ERC2: variants seen among roughly 807,000 people sequenced by gnomAD.
The protein encoded by ERC2 is ERC protein 2.
Under a neutral mutation model 114.8 loss-of-function variants are expected in ERC2, and 42 were observed. That is an observed-to-expected ratio of 0.37 (90% CI 0.29 to 0.47). The LOEUF (loss-of-function observed/expected upper bound fraction) is 0.47, where lower values mean the gene tolerates loss of function less well. Among genes scored for constraint, ERC2 ranks in the 20% least tolerant of loss-of-function variants. The pLI, the probability that ERC2 is intolerant of heterozygous loss-of-function variation, is 0.99. For missense variants in ERC2, 939 were observed against 1,150.7 expected, an observed-to-expected ratio of 0.82 and a Z score of 2.66; for synonymous variants, 454 against 425.5, an observed-to-expected ratio of 1.07 and a Z score of -0.82.
chr3:56,311,143 T>C (rs1472221540), intron 2 of ERC2, among the ~76,000 whole-genome samples: 2 of 150,492 alleles, frequency 1.3e-5, no homozygotes, highest in Admixed American at 6.6e-5. Flanking sequence ...TCATAATAGA[T>C]GTTGATATTT....
intron 7 of ERC2, among the ~76,000 whole-genome samples, chr3:56,047,068 G>A (rs917879685): frequency 3.9e-5 from 6 of 152,038 alleles, no homozygotes; most frequent in Admixed American, 6.6e-5. Context: ...TTAAATTCAG[G>A]GTCCCTTAAA....
At chr3:55,861,957 G>A (rs2062046939) in intron 14 of ERC2, among the ~76,000 whole-genome samples, 1 of 152,228 alleles carries the variant, frequency 6.6e-6, no homozygotes, top group African/African-American at 2.4e-5. Flanking sequence ...CATAGGCCAT[G>A]CTCAGCCAGT....
At chr3:56,117,898 A>G (rs1041114539) in intron 6 of ERC2, among the ~76,000 whole-genome samples, 8 of 152,252 alleles carry the variant, frequency 5.3e-5, no homozygotes, top group African/African-American at 1.9e-4. Flanking sequence ...TTTCTAAGAC[A>G]CAGGGGTTTA....
intron 17 of ERC2, among the ~76,000 whole-genome samples, chr3:55,677,530 C>A (rs1369719229): frequency 6.6e-6 from 1 of 152,174 alleles, no homozygotes; most frequent in Non-Finnish European, 1.5e-5. Flanking sequence ...GTTGAATACT[C>A]ACTGTGCACC....
intron 7 of ERC2, among the ~76,000 whole-genome samples, chr3:56,055,630 C>A (rs1048062587): frequency 6.6e-6 from 1 of 152,160 alleles, no homozygotes; most frequent in East Asian, 1.9e-4. Flanking sequence ...GTATAACAGG[C>A]GAGACAGACA....
intron 3 of ERC2, among the ~76,000 whole-genome samples, chr3:56,256,747 T>C (rs1425329540): frequency 6.6e-6 from 1 of 152,182 alleles, no homozygotes; most frequent in African/African-American, 2.4e-5. Flanking sequence ...GTTTTCATGA[T>C]AGTGAATGAG....
At chr3:55,819,742 A>G (rs187459711) in intron 14 of ERC2, among the ~76,000 whole-genome samples, 24 of 152,268 alleles carry the variant, frequency 1.6e-4, no homozygotes, top group Middle Eastern at 3.4e-3. Context: ...GCCGCTTTGG[A>G]ATGCTGCACC....
chr3:56,002,768 C>T (rs566511573), intron 10 of ERC2, among the ~76,000 whole-genome samples: 42 of 152,158 alleles, frequency 2.8e-4, no homozygotes, highest in Non-Finnish European at 2.8e-4. Context: ...TTATCCCTTT[C>T]GGCCTAGATA....
intron 17 of ERC2, among the ~76,000 whole-genome samples, chr3:55,624,748 T>C (rs1228400749): frequency 6.6e-6 from 1 of 152,068 alleles, no homozygotes; most frequent in African/African-American, 2.4e-5. Context: ...GGTCTGCTCA[T>C]CCCAAAGTGG....
chr3:55,674,861 AAAG>A (rs1276120880), intron 17 of ERC2, among the ~76,000 whole-genome samples: 1 of 152,190 alleles, frequency 6.6e-6, no homozygotes, highest in East Asian at 1.9e-4. Flanking sequence ...CACAAACCTA[AAAG>A]AAGGGACCTG....
intron 2 of ERC2, among the ~76,000 whole-genome samples, chr3:56,362,637 T>C (rs771917758): frequency 5.3e-5 from 8 of 152,232 alleles, no homozygotes; most frequent in Non-Finnish European, 8.8e-5. Flanking sequence ...TTTATGGGTG[T>C]TTCCAGTGTG....
At chr3:56,377,789 A>G (rs2059598800) in intron 2 of ERC2, among the ~76,000 whole-genome samples, 1 of 152,120 alleles carries the variant, frequency 6.6e-6, no homozygotes, top group Admixed American at 6.5e-5. Context: ...AAGCTGTGGC[A>G]GGAGAACCAC....
chr3:55,580,785 G>C (rs1418546049), intron 17 of ERC2, among the ~76,000 whole-genome samples: 1 of 152,176 alleles, frequency 6.6e-6, no homozygotes, highest in African/African-American at 2.4e-5. Flanking sequence ...TCTGGGCACA[G>C]AGAACACAAC....
chr3:55,710,345 C>A (rs567123684), intron 15 of ERC2, among the ~76,000 whole-genome samples: 1 of 152,074 alleles, frequency 6.6e-6, no homozygotes, highest in Non-Finnish European at 1.5e-5. Context: ...TCTTCTCCTG[C>A]GATAACTTAC....
chr3:55,884,820 C>A (rs12633538), intron 14 of ERC2, among the ~76,000 whole-genome samples: 15,178 of 152,110 alleles, frequency 0.1, 852 homozygotes, highest in South Asian at 0.16. Flanking sequence ...ACCACCTCTC[C>A]TTTCAAAAGC....
At chr3:55,964,057 T>C (rs1422276199) in intron 12 of ERC2, among the ~76,000 whole-genome samples, 1 of 152,256 alleles carries the variant, frequency 6.6e-6, no homozygotes, top group Admixed American at 6.5e-5. Context: ...TGTTGGCGTT[T>C]ATATTATTTG....
chr3:55,630,097 T>C (rs758790357), intron 17 of ERC2, among the ~76,000 whole-genome samples: 3 of 152,228 alleles, frequency 2.0e-5, no homozygotes, highest in Non-Finnish European at 4.4e-5. Flanking sequence ...GACTTCACAT[T>C]AATTAAAGGC....
At chr3:56,281,840 T>A (rs947264032) in intron 3 of ERC2, among the ~76,000 whole-genome samples, 1 of 152,158 alleles carries the variant, frequency 6.6e-6, no homozygotes, top group Non-Finnish European at 1.5e-5. Flanking sequence ...AAGATAAGGT[T>A]TGTCACATCT....
intron 2 of ERC2, among the ~76,000 whole-genome samples, chr3:56,371,165 C>A (rs2150587803): frequency 6.6e-6 from 1 of 152,214 alleles, no homozygotes; most frequent in South Asian, 2.1e-4. Flanking sequence ...ACTGAAAGAC[C>A]AAATAGGCAA....
Sources: allele counts gnomAD v4.1 joint callset (sites outside exome capture counted in the v4.1 genomes callset), GRCh38; gene constraint gnomAD v4.1.1; transcripts MANE v1.5; gene names NCBI Gene and HGNC (gene_info 2026-07-23, HGNC 2026-07-21).